Variants in PCGF5 observed in about 807,000 individuals in gnomAD.
PCGF5 encodes the protein polycomb group ring finger 5, also known as polycomb group RING finger protein 5.
A neutral mutation model predicts 44.3 loss-of-function variants in PCGF5; 9 were observed. The ratio of observed to expected loss-of-function variants is 0.20; its 90% CI spans 0.12 to 0.35. The LOEUF (loss-of-function observed/expected upper bound fraction) is 0.35. Among genes scored for constraint, PCGF5 ranks in the 10% least tolerant of loss-of-function variants. PCGF5 has a pLI of 1.00. For missense variants in PCGF5, 146 were observed against 305.3 expected (o/e 0.48, Z 3.89); for synonymous variants, 95 against 102.5 (o/e 0.93, Z 0.44).
At chr10:91,169,471 C>T (rs963074483) in intron 1 of PCGF5, among the ~76,000 whole-genome samples, 3 of 152,144 alleles carry the variant, frequency 2.0e-5, no homozygotes, top group South Asian at 4.1e-4. Flanking sequence ...AAGTTCATCA[C>T]TTTTCTATAT....
intron 8 of PCGF5, among the ~76,000 whole-genome samples, chr10:91,271,102 CTA>C (rs140567803): frequency 2.4e-5 from 3 of 124,236 alleles, no homozygotes; most frequent in Non-Finnish European, 3.2e-5. Context: ...AGATCTAATG[CTA>C]TATATATATA....
the PCGF5 span, among the ~76,000 whole-genome samples, chr10:91,157,487 G>T: frequency 1.3e-5 from 2 of 152,178 alleles, no homozygotes; most frequent in African/African-American, 4.8e-5. Flanking sequence ...CACTCTGTAA[G>T]AGGAAGAATT....
At chr10:91,269,188 T>C (rs1410718378) in intron 8 of PCGF5, among the ~76,000 whole-genome samples, 2 of 152,194 alleles carry the variant, frequency 1.3e-5, no homozygotes, top group Non-Finnish European at 2.9e-5. Context: ...TTTCAGGAGA[T>C]GTGATCTGTG....
chr10:91,207,655 A>G (rs940940030), intron 1 of PCGF5, among the ~76,000 whole-genome samples: 3 of 152,330 alleles, frequency 2.0e-5, no homozygotes, highest in African/African-American at 7.2e-5. Flanking sequence ...ACAGTCTAAA[A>G]TCACACACTG....
In PCGF5 at chr10:91,250,497, C is replaced by CTTT. The variant is rs56288334; in HGVS notation, c.326-781_326-779dup. Among the ~76,000 whole-genome samples the CTTT allele has an allele frequency of 4.8e-3, 633 of 132,124 alleles. 2 individuals are homozygous for CTTT. The highest frequency in any genetic ancestry group is 0.012 in the African/African-American group (434 of 35,588). 86.7% of individuals were successfully genotyped at this position (132,124 alleles called of 152,430 possible). On this transcript the variant is annotated intron_variant, in intron 5 of 9. Transcript: ENST00000336126. ...ACATCCTGTATTTGTCTGGTTTTTT[C>CTTT]TTTTTTTTTTTTTTTTAGCTTGCCT...
In PCGF5 at chr10:91,220,737, G is replaced by C. The variant is rs986911488; in HGVS notation, c.-283G>C. 1 of 152,354 alleles carries C rather than the reference G, an allele frequency of 6.6e-6. No individual in the cohort carries two copies. Among genetic ancestry groups the C allele is most frequent in the Non-Finnish European group, 1.5e-5 (1 of 68,236 alleles). 9.4% of individuals were successfully genotyped at this position (152,354 alleles called of 1,614,324 possible). A position where few individuals can be genotyped will look rare whatever the true frequency, so the allele number is the denominator to read the frequency against. ...AGGGGGAGAGCAGACGGGGCGCGGG[G>C]ACCGGCCAGGCCGCGGCGGGTGCTG... On this transcript the variant is annotated 5_prime_UTR_variant, in exon 1 of 10. Coordinates refer to ENST00000336126, the MANE Select transcript of PCGF5 (RefSeq NM_032373.5).
intron 9 of PCGF5, among the ~76,000 whole-genome samples, chr10:91,273,818 A>G (rs891124999): frequency 1.0e-4 from 15 of 150,356 alleles, no homozygotes; most frequent in Non-Finnish European, 2.1e-4. Flanking sequence ...AGTGTATAAT[A>G]TAGTGTATAT....
chr10:91,283,342 T>C lies in PCGF5; in HGVS notation c.*5026T>C, dbSNP rs1174558427. The C allele has an allele frequency of 6.6e-6, 1 of 152,236 alleles. No homozygotes were observed. The highest frequency in any genetic ancestry group is 2.4e-5 in the African/African-American group (1 of 41,462). 9.4% of individuals were successfully genotyped at this position (152,236 alleles called of 1,614,324 possible). ...TATACTTGCTATGCCCCTTTTTCTA[T>C]AATTCCAAACTGAGACTGATTTTTC... On this transcript the variant is annotated 3_prime_UTR_variant, in exon 10 of 10. Transcript: ENST00000336126.
intron 1 of PCGF5, among the ~76,000 whole-genome samples, chr10:91,214,828 A>G (rs1844513480): frequency 6.6e-6 from 1 of 152,250 alleles, no homozygotes; most frequent in Non-Finnish European, 1.5e-5. Context: ...AACTAAATTG[A>G]AAGGAAGGAG....
chr10:91,265,155 T>C (rs1201807649), intron 8 of PCGF5, among the ~76,000 whole-genome samples: 1 of 152,156 alleles, frequency 6.6e-6, no homozygotes, highest in African/African-American at 2.4e-5. Context: ...TTCTGGTTAA[T>C]TCTGTAGGAC....
intron 2 of PCGF5, among the ~76,000 whole-genome samples, chr10:91,234,638 T>C (rs547745822): frequency 4.6e-5 from 7 of 152,258 alleles, no homozygotes; most frequent in Non-Finnish European, 8.8e-5. Flanking sequence ...ATTGTGATGC[T>C]GATTCTCCTT....
chr10:91,217,861 A>G (rs1844574210), upstream of PCGF5, among the ~76,000 whole-genome samples: 1 of 152,150 alleles, frequency 6.6e-6, no homozygotes, highest in Non-Finnish European at 1.5e-5. Flanking sequence ...ATCTTGGCTC[A>G]CTGCAACCTC....
chr10:91,184,703 A>C (rs1298850075), intron 1 of PCGF5, among the ~76,000 whole-genome samples: 3 of 149,936 alleles, frequency 2.0e-5, no homozygotes, highest in African/African-American at 7.3e-5. Context: ...ATCTACCTTC[A>C]GTATTTGAGG....
At chr10:91,260,809 GT>G (rs1320059954) in intron 6 of PCGF5, among the ~76,000 whole-genome samples, 1 of 138,924 alleles carries the variant, frequency 7.2e-6, no homozygotes, top group Non-Finnish European at 1.5e-5. Context: ...GGGGACTGTT[GT>G]GGGGTGGGGG....
chr10:91,271,589 G>A, intron 8 of PCGF5, 49 bp from the exon 9 acceptor site: 1 of 1,415,298 alleles, frequency 7.1e-7, no homozygotes, highest in Non-Finnish European at 1.0e-6. Flanking sequence ...TTTTAAATAT[G>A]TGTCCAGTTG....
chr10:91,165,313 T>A (rs1009038821), intron 1 of PCGF5, among the ~76,000 whole-genome samples: 3 of 152,206 alleles, frequency 2.0e-5, no homozygotes, highest in Admixed American at 2.0e-4. Flanking sequence ...AAAAATATTA[T>A]CTGTGCTAGT....
the PCGF5 span, among the ~76,000 whole-genome samples, chr10:91,156,631 CATTTTAT>C: frequency 6.6e-6 from 1 of 152,138 alleles, no homozygotes; most frequent in Non-Finnish European, 1.5e-5. Flanking sequence ...GTGTCATTCC[CATTTTAT>C]AATATTAAGG....
At chr10:91,208,143 T>C (rs930881861) in intron 1 of PCGF5, among the ~76,000 whole-genome samples, 1 of 152,226 alleles carries the variant, frequency 6.6e-6, no homozygotes, top group African/African-American at 2.4e-5. Context: ...AACATGGTTA[T>C]AAAATAGTGA....
intron 9 of PCGF5, among the ~76,000 whole-genome samples, chr10:91,277,093 G>A (rs1846335668): frequency 6.6e-6 from 1 of 152,196 alleles, no homozygotes; most frequent in Non-Finnish European, 1.5e-5. Context: ...AGCTGTAGTA[G>A]CATCTGCTGT....
Sources: allele counts gnomAD v4.1 joint callset (sites outside exome capture counted in the v4.1 genomes callset), GRCh38; gene constraint gnomAD v4.1.1; transcripts MANE v1.5; gene names NCBI Gene and HGNC (gene_info 2026-07-23, HGNC 2026-07-21).